TP53BP1: variants seen among roughly 807,000 people sequenced by gnomAD.
TP53BP1 encodes tumor protein p53 binding protein 1.
TP53BP1 carries 61 observed loss-of-function variants against 200.8 expected under a neutral mutation model. That is an observed-to-expected ratio of 0.30 (90% confidence interval 0.25 to 0.38). The LOEUF (loss-of-function observed/expected upper bound fraction) is 0.38. TP53BP1 is among the 10% of genes least tolerant of loss of function. The pLI, the probability that TP53BP1 is intolerant of heterozygous loss-of-function variation, is 1.00. For missense variants in TP53BP1, 2,144 were observed against 2,371.9 expected, an observed-to-expected ratio of 0.90 and a Z score of 2.00; for synonymous variants, 822 against 844.3, an observed-to-expected ratio of 0.97 and a Z score of 0.46.
At chr15:43,495,589 G>A (rs1341909741), upstream of TP53BP1, among the ~76,000 whole-genome samples, 4 of 151,166 alleles carry the variant, frequency 2.6e-5, no homozygotes, top group East Asian at 1.9e-4. Context: ...AGGCCAAGTC[G>A]GGCAGATCAC....
intron 4 of TP53BP1, among the ~76,000 whole-genome samples, chr15:43,482,910 AC>A (rs2078994540): frequency 6.6e-6 from 1 of 152,184 alleles, no homozygotes. Context: ...AGCCTGGGCA[AC>A]AGAAAAAGAG....
In TP53BP1 at chr15:43,421,572, T is replaced by C; in HGVS notation, c.4100+283A>G. 7.4e-6 allele frequency: 4 copies of C among 537,018 alleles called. No individual in the cohort carries two copies. In the East Asian group the frequency reaches 9.7e-5, roughly 13 times the overall value. The allele number at this position is 537,018 out of a possible 1,614,324, so 33.3% of individuals were successfully genotyped here. On this transcript the variant is annotated intron_variant, in intron 19 of 27. Transcript: ENST00000382044. The stretch of plus-strand genomic sequence containing the variant: ...CAACTAAATCATATAAAGGCTGTGG[T>C]AGAAGCAGTGCCCACCAGATGATAA...
At chr15:43,413,977 A>C (rs1257286557) in intron 23 of TP53BP1, 2 of 375,108 alleles carry the variant, frequency 5.3e-6, no homozygotes, top group Non-Finnish European at 1.1e-5. Flanking sequence ...TGGGTAAGTA[A>C]GTGAACCAGC....
chr15:43,445,237 C>G (rs564443543), intron 14 of TP53BP1, among the ~76,000 whole-genome samples: 2 of 152,312 alleles, frequency 1.3e-5, no homozygotes, highest in South Asian at 2.1e-4. Context: ...AACTGCTGCA[C>G]TGAAATGGCT....
At position 43,473,913 on chromosome 15, in the gene TP53BP1, G is replaced by A. The variant is rs149782460; in HGVS notation, c.1180+760C>T. Among the ~76,000 whole-genome samples the A allele has an allele frequency of 1.6e-3, 242 of 152,368 alleles. 1 individual carries two copies. The highest frequency in any genetic ancestry group is 0.012 in the South Asian group (58 of 4,830). Reference sequence around the variant, plus strand: ...TGGGTGGTCGATGGGACTAGGTGCCGTGGAGCAGGGGGCAGTGCTCATCAG... The same window carrying A: ...TGGGTGGTCGATGGGACTAGGTGCCATGGAGCAGGGGGCAGTGCTCATCAG... On this transcript the variant is annotated intron_variant, in intron 10 of 27. Coordinates refer to ENST00000382044, the MANE Select transcript of TP53BP1 (RefSeq NM_001141980.3).
intron 24 of TP53BP1, among the ~76,000 whole-genome samples, chr15:43,411,204 C>T (rs1240387467): frequency 6.6e-6 from 1 of 152,172 alleles, no homozygotes; most frequent in Non-Finnish European, 1.5e-5. Flanking sequence ...GTGTGTTTCT[C>T]TAATTTTTCT....
In TP53BP1 at chr15:43,447,426, C is replaced by A; in HGVS notation, c.2776G>T (p.Ala926Ser). Residue 926 changes from alanine to serine, a missense_variant, in exon 13 of 28, where the codon GCA (alanine) becomes TCA (serine). Physicochemically the swap from Ala to Ser is moderately conservative, Grantham distance 99. Coordinates refer to ENST00000382044, the MANE Select transcript of TP53BP1 (RefSeq NM_001141980.3). Reference protein sequence around the residue: ...EGDIIPPLTGATPPLIGHLKL... With the variant: ...EGDIIPPLTGSTPPLIGHLKL... ...AGGTGCCCAATAAGAGGTGGGGTTG[C>A]ACCAGTCAATGGTGGGATGATATCA... 1 of 1,594,406 alleles carries A rather than the reference C, an allele frequency of 6.3e-7. No homozygotes were observed. Among genetic ancestry groups the A allele is most frequent in the Non-Finnish European group, 8.5e-7 (1 of 1,175,240 alleles).
chr15:43,465,144 G>GA lies in TP53BP1; in HGVS notation c.1389+4713dup, dbSNP rs531579166. Among the ~76,000 whole-genome samples, 169 of 152,072 alleles carry GA rather than the reference G, an allele frequency of 1.1e-3. 1 individual carries two copies. The highest frequency in any genetic ancestry group is 3.9e-3 in the African/African-American group (163 of 41,502). ...CAGAATAGGCAAATCTATAGAGACA[G>GA]AAAGTAGACTGGTGTCTACTTTCCA... On this transcript the variant is annotated intron_variant, in intron 11 of 27. Coordinates refer to ENST00000382044, the MANE Select transcript of TP53BP1 (RefSeq NM_001141980.3).
intron 18 of TP53BP1, among the ~76,000 whole-genome samples, chr15:43,427,139 C>G (rs1371636270): frequency 1.3e-5 from 2 of 152,062 alleles, no homozygotes; most frequent in African/African-American, 2.4e-5. Context: ...TGTCTAATCT[C>G]TCTCATTATT....
intron 15 of TP53BP1, among the ~76,000 whole-genome samples, chr15:43,440,221 G>A (rs1456585363): frequency 6.6e-6 from 1 of 152,132 alleles, no homozygotes; most frequent in East Asian, 1.9e-4. Context: ...AGTTGAGTGG[G>A]GCACACCCTT....
chr15:43,487,300 A>G (rs1426844456), intron 4 of TP53BP1, among the ~76,000 whole-genome samples: 2 of 148,358 alleles, frequency 1.3e-5, no homozygotes, highest in African/African-American at 4.8e-5. Flanking sequence ...AAAATAAAAA[A>G]TACTGAAAAC....
At chr15:43,461,204 G>C (rs983548968) in intron 11 of TP53BP1, among the ~76,000 whole-genome samples, 31 of 149,928 alleles carry the variant, frequency 2.1e-4, no homozygotes, top group African/African-American at 7.8e-4. Context: ...TACCTTAAAT[G>C]GTTACAAATA....
At chr15:43,509,064 G>A (rs2079254418) in intron 1 of TP53BP1, among the ~76,000 whole-genome samples, 1 of 151,854 alleles carries the variant, frequency 6.6e-6, no homozygotes, top group Non-Finnish European at 1.5e-5. Context: ...CAGTTGCTAT[G>A]GAAACTGTCC....
At chr15:43,460,018 G>C (rs2046393306) in intron 11 of TP53BP1, among the ~76,000 whole-genome samples, 1 of 152,144 alleles carries the variant, frequency 6.6e-6, no homozygotes, top group African/African-American at 2.4e-5. Context: ...TGAGGGAACT[G>C]CTCTCTACTT....
intron 21 of TP53BP1, among the ~76,000 whole-genome samples, chr15:43,419,532 GTTCC>G (rs1429376677): frequency 1.4e-4 from 15 of 103,750 alleles, no homozygotes; most frequent in African/African-American, 5.5e-4. Flanking sequence ...GCTAATTTAT[GTTCC>G]TTTTTTTTTT....
In TP53BP1 at chr15:43,492,472, G is replaced by GA; in HGVS notation, c.8-5dup. The GA allele has an allele frequency of 6.2e-7, 1 of 1,611,980 alleles. No homozygotes were observed. The highest frequency in any genetic ancestry group is 8.5e-7 in the Non-Finnish European group (1 of 1,178,750). On this transcript the variant is annotated splice_polypyrimidine_tract_variant and splice_region_variant and intron_variant, in intron 1 of 27. Transcript: ENST00000382044. ...CCAGTAGGGTCCATCTGCTCCCCTGGAATGGAATAACAAAAGATCAGTTCC... is the reference window on the plus strand; with the variant it reads ...CCAGTAGGGTCCATCTGCTCCCCTGGAAATGGAATAACAAAAGATCAGTTCC...
chr15:43,408,378 G>T, intron 26 of TP53BP1: 1 of 317,438 alleles, frequency 3.2e-6, no homozygotes, highest in Non-Finnish European at 6.0e-6. Flanking sequence ...CAGCTTGGGA[G>T]GCTGAGGTAG....
intron 1 of TP53BP1, among the ~76,000 whole-genome samples, chr15:43,498,468 G>GA (rs1183594651): frequency 2.0e-5 from 3 of 152,214 alleles, no homozygotes; most frequent in South Asian, 4.1e-4. Context: ...CTGATCATGA[G>GA]AAAAAATCAG....
intron 27 of TP53BP1, 103 bp from the exon 28 acceptor site, chr15:43,407,673 C>G: frequency 8.7e-7 from 1 of 1,151,994 alleles, no homozygotes; most frequent in Middle Eastern, 2.2e-4. Context: ...TCTGCACAAA[C>G]CAAAGCCCTA....
Sources: allele counts gnomAD v4.1 joint callset (sites outside exome capture counted in the v4.1 genomes callset), GRCh38; gene constraint gnomAD v4.1.1; transcripts MANE v1.5; gene names NCBI Gene and HGNC (gene_info 2026-07-23, HGNC 2026-07-21).